Variants in CNTN3 observed in about 807,000 individuals in gnomAD.
The protein encoded by CNTN3 is contactin 3, also known as contactin-3.
A neutral mutation model predicts 119.1 loss-of-function variants in CNTN3; 60 were observed. The ratio of observed to expected loss-of-function variants is 0.50; its 90% CI spans 0.41 to 0.62. The LOEUF is 0.62. Ranked by LOEUF, CNTN3 falls within the 20% of genes least tolerant of loss-of-function variation. The probability of loss-of-function intolerance (pLI) is 0.00; values close to 1 mark genes in which losing one functional copy is unlikely to be tolerated. For synonymous variants in CNTN3, 450 were observed against 438.7 expected, an observed-to-expected ratio of 1.03 and a Z score of -0.32; for missense variants, 1,101 against 1,242.4, an observed-to-expected ratio of 0.89 and a Z score of 1.71.
intron 4 of CNTN3, among the ~76,000 whole-genome samples, chr3:74,466,529 T>G (rs1243401568): frequency 2.6e-5 from 4 of 152,186 alleles, no homozygotes; most frequent in Admixed American, 6.5e-5. Flanking sequence ...CTGGAAAATG[T>G]ATAATTATAT....
chr3:74,515,984 A>C (rs902869996), intron 2 of CNTN3, among the ~76,000 whole-genome samples: 1 of 151,986 alleles, frequency 6.6e-6, no homozygotes, highest in African/African-American at 2.4e-5. Flanking sequence ...ATAAGTATCA[A>C]CAGTCTCTCT....
intron 19 of CNTN3, among the ~76,000 whole-genome samples, chr3:74,288,278 C>A (rs982457910): frequency 2.0e-4 from 30 of 151,232 alleles, no homozygotes; most frequent in Admixed American, 4.0e-4. Flanking sequence ...CCTGCCTCAA[C>A]CTTCTGAGTA....
chr3:74,512,077 GCAAA>G (rs1703375625), intron 2 of CNTN3, among the ~76,000 whole-genome samples: 1 of 152,082 alleles, frequency 6.6e-6, no homozygotes, highest in Non-Finnish European at 1.5e-5. Context: ...GATTTTTGAT[GCAAA>G]GATAAGCAGT....
At chr3:74,513,394 C>G (rs559210556) in intron 2 of CNTN3, among the ~76,000 whole-genome samples, 1 of 152,162 alleles carries the variant, frequency 6.6e-6, no homozygotes, top group Admixed American at 6.6e-5. Context: ...ATTGGAGGAG[C>G]AAATAATGTA....
chr3:74,301,621 G>A, intron 15 of CNTN3, 26 bp downstream of exon 15: 3 of 1,613,448 alleles, frequency 1.9e-6, no homozygotes, highest in African/African-American at 2.7e-5. Flanking sequence ...TATGTGTGCA[G>A]ATGACATCTG....
chr3:74,382,883 T>C (rs982928583), intron 5 of CNTN3, among the ~76,000 whole-genome samples: 1 of 152,232 alleles, frequency 6.6e-6, no homozygotes, highest in Admixed American at 6.5e-5. Context: ...TGATTGAAAG[T>C]AGTTTTTACG....
chr3:74,369,166 A>G (rs1344519314), intron 8 of CNTN3, 23 bp downstream of exon 8: 1 of 1,541,570 alleles, frequency 6.5e-7, no homozygotes, highest in Admixed American at 2.1e-5. Context: ...TAAAACTCCA[A>G]TTTGCCCAAA....
intron 19 of CNTN3, among the ~76,000 whole-genome samples, chr3:74,290,738 C>A (rs1702212174): frequency 6.6e-6 from 1 of 152,048 alleles, no homozygotes; most frequent in African/African-American, 2.4e-5. Flanking sequence ...GTTGCCCAGG[C>A]TGGAGTGCAG....
At chr3:74,482,268 T>A (rs528820693) in intron 4 of CNTN3, among the ~76,000 whole-genome samples, 5 of 152,028 alleles carry the variant, frequency 3.3e-5, no homozygotes, top group Non-Finnish European at 7.4e-5. Flanking sequence ...TAAAACTGCA[T>A]AAACTCCAAC....
chr3:74,360,470 C>A (rs1704051086), intron 11 of CNTN3, among the ~76,000 whole-genome samples: 1 of 152,088 alleles, frequency 6.6e-6, no homozygotes, highest in African/African-American at 2.4e-5. Context: ...TTTTCATTAG[C>A]TGCAGAAATA....
intron 1 of CNTN3, among the ~76,000 whole-genome samples, chr3:74,546,082 G>T (rs984212202): frequency 6.6e-6 from 1 of 151,692 alleles, no homozygotes; most frequent in African/African-American, 2.4e-5. Flanking sequence ...TGCAAGCTCC[G>T]CCTCCCAGGT....
intron 13 of CNTN3, among the ~76,000 whole-genome samples, chr3:74,328,441 C>T (rs923947832): frequency 5.9e-5 from 9 of 152,074 alleles, no homozygotes; most frequent in Admixed American, 1.3e-4. Context: ...TAAATATTTG[C>T]ATATATTTTC....
At chr3:74,456,020 G>A (rs1374985799) in intron 4 of CNTN3, among the ~76,000 whole-genome samples, 1 of 152,054 alleles carries the variant, frequency 6.6e-6, no homozygotes, top group Non-Finnish European at 1.5e-5. Flanking sequence ...AAAAATTAGA[G>A]CCAGATGCCC....
chr3:74,355,102 C>A (rs1174321087), intron 11 of CNTN3, among the ~76,000 whole-genome samples: 1 of 152,070 alleles, frequency 6.6e-6, no homozygotes, highest in Non-Finnish European at 1.5e-5. Flanking sequence ...TCAGTAGGTA[C>A]TTCAAACTCA....
chr3:74,291,382 G>T (rs1169162037), intron 19 of CNTN3, among the ~76,000 whole-genome samples: 1 of 152,176 alleles, frequency 6.6e-6, no homozygotes, highest in Non-Finnish European at 1.5e-5. Context: ...TGTCTTTATA[G>T]CAGCATAACT....
At chr3:74,481,084 A>C (rs1702755432) in intron 4 of CNTN3, among the ~76,000 whole-genome samples, 1 of 151,970 alleles carries the variant, frequency 6.6e-6, no homozygotes, top group African/African-American at 2.4e-5. Flanking sequence ...TGTTGACAAA[A>C]AAATACAGTC....
intron 4 of CNTN3, among the ~76,000 whole-genome samples, chr3:74,445,651 G>A (rs757112413): frequency 3.9e-5 from 6 of 152,338 alleles, no homozygotes; most frequent in Non-Finnish European, 7.3e-5. Context: ...AAGTTGGAAA[G>A]TAATGCATTT....
chr3:74,362,199 T>C (rs1704088172), intron 10 of CNTN3, among the ~76,000 whole-genome samples, 159 bp from the exon 11 acceptor site: 1 of 152,246 alleles, frequency 6.6e-6, no homozygotes, highest in African/African-American at 2.4e-5. Flanking sequence ...GGATAATTCA[T>C]GTTATTATGT....
chr3:74,296,713 T>A (rs979100691), intron 18 of CNTN3, among the ~76,000 whole-genome samples: 9 of 152,238 alleles, frequency 5.9e-5, no homozygotes, highest in Admixed American at 1.3e-4. Flanking sequence ...TACCACTTAC[T>A]ATTAGGAATT....
Sources: allele counts gnomAD v4.1 joint callset (sites outside exome capture counted in the v4.1 genomes callset), GRCh38; gene constraint gnomAD v4.1.1; transcripts MANE v1.5; gene names NCBI Gene and HGNC (gene_info 2026-07-23, HGNC 2026-07-21).